The following PCDH11X variants were observed in gnomAD, a reference collection of about 807,000 sequenced individuals.
PCDH11X encodes the protein protocadherin-11 X-linked.
In PCDH11X, 18 loss-of-function variants were observed where a neutral mutation model predicts 53.3. The ratio of observed to expected loss-of-function variants is 0.34; its 90% confidence interval spans 0.23 to 0.50. PCDH11X has a LOEUF of 0.50. PCDH11X is among the 20% of genes least tolerant of loss of function. The pLI, the probability that PCDH11X is intolerant of heterozygous loss-of-function variation, is 0.98. For synonymous variants in PCDH11X, 279 were observed against 393.3 expected, an observed-to-expected ratio of 0.71 and a Z score of 3.44; for missense variants, 570 against 1,032.4, an observed-to-expected ratio of 0.55 and a Z score of 6.14.
intron 9 of PCDH11X, among the ~76,000 whole-genome samples, chrX:92,427,135 T>G (rs1016863542): frequency 1.8e-5 from 2 of 111,171 alleles, no homozygotes; most frequent in African/African-American, 6.5e-5. Flanking sequence ...AACTTAAGTG[T>G]TAGTGAAGTG....
chrX:92,562,660 A>G (rs2075149471), intron 10 of PCDH11X, among the ~76,000 whole-genome samples: 1 of 110,427 alleles, frequency 9.1e-6, no homozygotes. Flanking sequence ...GCCAGGCCAA[A>G]TCTTGAATGC....
intron 9 of PCDH11X, among the ~76,000 whole-genome samples, chrX:92,405,743 C>T (rs1445160652): frequency 9.2e-6 from 1 of 108,271 alleles, no homozygotes; most frequent in African/African-American, 3.4e-5. Context: ...TTAGTGTCTC[C>T]CTCAGCACCT....
chrX:92,202,803 C>T (rs969010683), intron 7 of PCDH11X, among the ~76,000 whole-genome samples: 1 of 110,921 alleles, frequency 9.0e-6, no homozygotes, highest in South Asian at 3.8e-4. Flanking sequence ...GTGTGGATCA[C>T]GAGGTCAAGA....
intron 7 of PCDH11X, among the ~76,000 whole-genome samples, chrX:92,220,657 T>C (rs1287704084): frequency 1.8e-5 from 2 of 110,537 alleles, no homozygotes; most frequent in African/African-American, 3.3e-5. Flanking sequence ...CTCAGGGATG[T>C]AGAACTAGAA....
At chrX:91,966,325 A>G (rs1320553765) in intron 6 of PCDH11X, among the ~76,000 whole-genome samples, 1 of 111,289 alleles carries the variant, frequency 9.0e-6, no homozygotes, top group Non-Finnish European at 1.9e-5. Context: ...CAAGAGAAAG[A>G]ATATTTGATG....
chrX:91,895,202 G>A (rs1325335570), intron 6 of PCDH11X, among the ~76,000 whole-genome samples: 25 of 111,529 alleles, frequency 2.2e-4, no homozygotes, highest in Non-Finnish European at 3.8e-4. Context: ...TTCCCTGAGC[G>A]GTGGTCACTG....
chrX:92,270,448 A>G (rs1463962198), intron 8 of PCDH11X, among the ~76,000 whole-genome samples: 8 of 112,175 alleles, frequency 7.1e-5, no homozygotes, highest in Admixed American at 2.8e-4. Flanking sequence ...TTCTTAACAT[A>G]TCAGCCCTCC....
At chrX:92,203,014 C>A (rs1035460431) in intron 7 of PCDH11X, among the ~76,000 whole-genome samples, 1 of 111,133 alleles carries the variant, frequency 9.0e-6, no homozygotes, top group African/African-American at 3.3e-5. Flanking sequence ...CAAAGCAAGA[C>A]TCTGTCTCAA....
chrX:92,090,977 G>C (rs1009299638), intron 6 of PCDH11X, among the ~76,000 whole-genome samples: 8 of 111,996 alleles, frequency 7.1e-5, no homozygotes, highest in Non-Finnish European at 1.5e-4. Context: ...CTGAAATTCT[G>C]CCTAAGGGAA....
chrX:92,345,817 C>A (rs752166737), intron 8 of PCDH11X, among the ~76,000 whole-genome samples: 1 of 109,100 alleles, frequency 9.2e-6, no homozygotes, highest in Non-Finnish European at 1.9e-5. Context: ...TATGAAAACA[C>A]AGGAGACATG....
chrX:92,598,110 T>C (rs1379241136), intron 10 of PCDH11X, among the ~76,000 whole-genome samples: 1 of 111,165 alleles, frequency 9.0e-6, no homozygotes, highest in African/African-American at 3.3e-5. Flanking sequence ...ATTTGAAAAA[T>C]GCTCAACATC....
At chrX:92,428,810 T>A (rs753504263) in intron 9 of PCDH11X, among the ~76,000 whole-genome samples, 86 of 111,020 alleles carry the variant, frequency 7.7e-4, no homozygotes, top group African/African-American at 2.7e-3. Flanking sequence ...TCACCATCTC[T>A]TCAGAGCAAG....
At chrX:92,013,748 T>A (rs1404668703) in intron 6 of PCDH11X, among the ~76,000 whole-genome samples, 1 of 111,493 alleles carries the variant, frequency 9.0e-6, no homozygotes, top group African/African-American at 3.3e-5. Context: ...AACCATCTGA[T>A]CTTTGACAAA....
chrX:91,923,150 T>G (rs190381667), intron 6 of PCDH11X, among the ~76,000 whole-genome samples: 2,100 of 104,995 alleles, frequency 0.02, 32 homozygotes, highest in Non-Finnish European at 0.033. Flanking sequence ...CATTATTGTT[T>G]ATATTTGAAG....
chrX:92,419,275 CT>C (rs200748988), intron 9 of PCDH11X, among the ~76,000 whole-genome samples: 46 of 88,854 alleles, frequency 5.2e-4, no homozygotes, highest in South Asian at 5.9e-4. Context: ...TTTTTTTGTT[CT>C]TTTTTTTTTT....
At chrX:92,569,097 A>C (rs1211527631) in intron 10 of PCDH11X, among the ~76,000 whole-genome samples, 4 of 110,640 alleles carry the variant, frequency 3.6e-5, no homozygotes, top group African/African-American at 1.3e-4. Context: ...CATATTTATA[A>C]TATAATTTAT....
At chrX:92,440,054 C>T (rs2072477770) in intron 9 of PCDH11X, among the ~76,000 whole-genome samples, 1 of 94,668 alleles carries the variant, frequency 1.1e-5, no homozygotes, top group East Asian at 3.5e-4. Flanking sequence ...TCTTGGTATT[C>T]TCCAGTGTCA....
chrX:92,506,216 C>CTTTTTTCTTTTTTTTTT (rs2074055575), intron 10 of PCDH11X, among the ~76,000 whole-genome samples: 4 of 40,205 alleles, frequency 9.9e-5, no homozygotes, highest in Non-Finnish European at 1.2e-4. Flanking sequence ...CTTTTCTTTT[C>CTTTTTTCTTTTTTTTTT]TTTTTTTTTT....
At chrX:91,905,202 T>C (rs1444377423) in intron 6 of PCDH11X, among the ~76,000 whole-genome samples, 1 of 108,353 alleles carries the variant, frequency 9.2e-6, no homozygotes, top group Non-Finnish European at 1.9e-5. Context: ...CAATCTCGGC[T>C]CACTGCAGCC....
Sources: allele counts gnomAD v4.1 joint callset (sites outside exome capture counted in the v4.1 genomes callset), GRCh38; gene constraint gnomAD v4.1.1; transcripts MANE v1.5; gene names NCBI Gene and HGNC (gene_info 2026-07-23, HGNC 2026-07-21).